ME3: variants seen among roughly 807,000 people sequenced by gnomAD.
The protein encoded by ME3 is malic enzyme 3, also known as NADP-dependent malic enzyme, mitochondrial.
ME3 carries 48 observed loss-of-function variants against 68.9 expected under a neutral mutation model. The ratio of observed to expected loss-of-function variants is 0.70; its 90% CI spans 0.55 to 0.89. The LOEUF is 0.89. Among genes scored for constraint, ME3 ranks in the 40% least tolerant of loss-of-function variants. The probability of loss-of-function intolerance (pLI) is 0.00; values close to 1 mark genes in which losing one functional copy is unlikely to be tolerated. For synonymous variants in ME3, 320 were observed against 318.8 expected (o/e 1.00, Z -0.04); for missense variants, 675 against 797.4 (o/e 0.85, Z 1.85).
At chr11:86,617,053 T>TG (rs1555012493) in intron 2 of ME3, among the ~76,000 whole-genome samples, 1 of 70,078 alleles carries the variant, frequency 1.4e-5, no homozygotes, top group African/African-American at 6.8e-5. Flanking sequence ...TAGTTTTTTT[T>TG]TTTTTTTTTT....
At chr11:86,495,585 C>T (rs963140140) in intron 6 of ME3, among the ~76,000 whole-genome samples, 7 of 152,178 alleles carry the variant, frequency 4.6e-5, no homozygotes, top group African/African-American at 9.7e-5. Context: ...AAGTTTGCTG[C>T]GCTCATCCAC....
intron 2 of ME3, among the ~76,000 whole-genome samples, chr11:86,575,044 A>C (rs1958023300): frequency 6.8e-6 from 1 of 146,984 alleles, no homozygotes; most frequent in Admixed American, 6.7e-5. Flanking sequence ...GTGGGTGTGG[A>C]CACAGCCTGC....
intron 2 of ME3, among the ~76,000 whole-genome samples, chr11:86,583,232 A>T (rs1287740014): frequency 6.6e-6 from 1 of 152,208 alleles, no homozygotes; most frequent in South Asian, 2.1e-4. Context: ...TGCTAGGTAT[A>T]CGTGGAAAGA....
chr11:86,622,842 C>T (rs905301279), intron 2 of ME3: 1 of 151,906 alleles, frequency 6.6e-6, no homozygotes. Context: ...TTCACCTATT[C>T]CCAACCACTC....
chr11:86,560,740 GTGTGTGTGTATATATATATATA>G (rs1957175148), intron 2 of ME3, among the ~76,000 whole-genome samples: 1 of 53,846 alleles, frequency 1.9e-5, no homozygotes, highest in African/African-American at 6.0e-5. Context: ...GTGTGTGTGT[GTGTGTGTGTATATATATATATA>G]TATATATATA....
chr11:86,453,687 A>G (rs1283028780), intron 8 of ME3, among the ~76,000 whole-genome samples: 1 of 152,228 alleles, frequency 6.6e-6, no homozygotes, highest in African/African-American at 2.4e-5. Context: ...TTTGTTTCTA[A>G]CACCAAAATT....
intron 4 of ME3, among the ~76,000 whole-genome samples, chr11:86,545,584 A>G (rs548859345): frequency 6.6e-6 from 1 of 152,222 alleles, no homozygotes; most frequent in Non-Finnish European, 1.5e-5. Flanking sequence ...AGAGAATAAA[A>G]TACCTAGAAA....
At chr11:86,471,040 C>T (rs1449235385) in intron 7 of ME3, among the ~76,000 whole-genome samples, 2 of 151,626 alleles carry the variant, frequency 1.3e-5, no homozygotes, top group East Asian at 1.9e-4. Flanking sequence ...CACTGTGGGC[C>T]TTTGCACGGT....
At chr11:86,474,925 G>C (rs1426264429) in intron 7 of ME3, among the ~76,000 whole-genome samples, 3 of 152,188 alleles carry the variant, frequency 2.0e-5, no homozygotes, top group Non-Finnish European at 4.4e-5. Context: ...CTGACTTCTT[G>C]CCATATTCAA....
At chr11:86,489,875 G>T (rs1264625626) in intron 6 of ME3, among the ~76,000 whole-genome samples, 1 of 151,968 alleles carries the variant, frequency 6.6e-6, no homozygotes, top group East Asian at 1.9e-4. Flanking sequence ...ATTTCTCAAA[G>T]GACCCGAGAG....
At chr11:86,531,267 A>G (rs1257946538) in intron 4 of ME3, among the ~76,000 whole-genome samples, 1 of 152,268 alleles carries the variant, frequency 6.6e-6, no homozygotes, top group Admixed American at 6.5e-5. Flanking sequence ...ATCACTGGCC[A>G]TCAGAGAAAT....
At chr11:86,589,137 TCAACTG>T (rs988395395) in intron 2 of ME3, among the ~76,000 whole-genome samples, 1 of 152,152 alleles carries the variant, frequency 6.6e-6, no homozygotes, top group African/African-American at 2.4e-5. Context: ...GACTGGAGAA[TCAACTG>T]CCCTTTCCTT....
chr11:86,650,855 G>C (rs1416566225), intron 2 of ME3, among the ~76,000 whole-genome samples: 1 of 152,164 alleles, frequency 6.6e-6, no homozygotes, highest in Non-Finnish European at 1.5e-5. Flanking sequence ...CCAAGGAAAG[G>C]GGTGACAGAG....
Position 86,453,493 on chromosome 11 carries a change from G to C in ME3, c.920-3095C>G, listed in dbSNP as rs550322794. 3.9e-5 allele frequency among the ~76,000 whole-genome samples: 6 copies of C among 152,300 alleles called. No homozygotes were observed. In the East Asian group the frequency reaches 1.2e-3, roughly 29 times the overall value. ...CTCTGCCAATAGTAGGTGCTAGAGG[G>C]AGACAAAGGCTAGATGAGGGGGATA... On this transcript the variant is annotated intron_variant, in intron 8 of 14. Transcript: ENST00000543262.
chr11:86,550,511 C>T (rs555278629), intron 4 of ME3, among the ~76,000 whole-genome samples: 2 of 152,172 alleles, frequency 1.3e-5, no homozygotes, highest in Non-Finnish European at 2.9e-5. Context: ...TAACCAGAAC[C>T]GGCTGCAGAC....
At chr11:86,587,585 T>C (rs1166482723) in intron 2 of ME3, among the ~76,000 whole-genome samples, 2 of 152,216 alleles carry the variant, frequency 1.3e-5, no homozygotes, top group Non-Finnish European at 2.9e-5. Flanking sequence ...TCATGACTAC[T>C]GTAGCCCACA....
intron 4 of ME3, among the ~76,000 whole-genome samples, chr11:86,554,935 C>T (rs999163930): frequency 1.3e-5 from 2 of 151,998 alleles, no homozygotes; most frequent in Non-Finnish European, 2.9e-5. Flanking sequence ...ATGGGATAGA[C>T]GAAGTATGTG....
At position 86,520,781 on chromosome 11, in the gene ME3, A is replaced by T. The variant is rs537719462; in HGVS notation, c.468-11914T>A. On this transcript the variant is annotated intron_variant, in intron 4 of 14. Transcript: ENST00000543262. Reference sequence around the variant, plus strand: ...AAAGGGATTTCTGCATAGATGGTCTATTCCTTTCTCTGAATGTGAGAATGG... The same window carrying T: ...AAAGGGATTTCTGCATAGATGGTCTTTTCCTTTCTCTGAATGTGAGAATGG... Among the ~76,000 whole-genome samples, 265 of 152,344 alleles carry T rather than the reference A, an allele frequency of 1.7e-3. 2 individuals carry two copies. The highest frequency in any genetic ancestry group is 5.9e-3 in the African/African-American group (244 of 41,584).
chr11:86,461,657 G>A (rs929389100), intron 8 of ME3, among the ~76,000 whole-genome samples: 13 of 152,158 alleles, frequency 8.5e-5, no homozygotes, highest in African/African-American at 2.9e-4. Flanking sequence ...GTGGGATGGC[G>A]AGGTGGCTCT....
Sources: gnomAD v4.1 joint callset for allele counts (sites outside exome capture counted in the v4.1 genomes callset) on GRCh38, gnomAD v4.1.1 for gene constraint, MANE v1.5 for transcripts, NCBI Gene and HGNC (gene_info 2026-07-23, HGNC 2026-07-21) for gene names.